The following DUSP13B variants were observed in gnomAD, a reference collection of about 807,000 sequenced individuals.
DUSP13B encodes the protein dual specificity phosphatase 13B.
At chr10:75,098,230 T>C in the DUSP13B span, among the ~76,000 whole-genome samples, 2 of 152,002 alleles carry the variant, frequency 1.3e-5, no homozygotes, top group African/African-American at 2.4e-5. Context: ...GCTTGGACTT[T>C]GTAGGGATGA....
At chr10:75,097,612 A>T in the DUSP13B span, 7 of 1,181,250 alleles carry the variant, frequency 5.9e-6, no homozygotes, top group Non-Finnish European at 7.9e-6. Flanking sequence ...CAAGCGTGCC[A>T]CCTCTGCCCT....
chr10:75,104,071 C>T, the DUSP13B span: 4 of 1,359,240 alleles, frequency 2.9e-6, no homozygotes, highest in Non-Finnish European at 2.9e-6. Context: ...AGTGGCAGAG[C>T]CCCATGGCAG....
the DUSP13B span, chr10:75,109,129 C>G: frequency 6.2e-7 from 1 of 1,606,476 alleles, no homozygotes; most frequent in East Asian, 2.3e-5. Flanking sequence ...GTCCTCTCCC[C>G]CCAGCTCTGG....
At chr10:75,104,247 A>G in the DUSP13B span, 1 of 432,598 alleles carries the variant, frequency 2.3e-6, no homozygotes, top group Admixed American at 3.5e-5. Context: ...CTGCTGGGAG[A>G]GATGAGGAGG....
At chr10:75,107,053 G>A in the DUSP13B span, among the ~76,000 whole-genome samples, 1 of 152,270 alleles carries the variant, frequency 6.6e-6, no homozygotes, top group African/African-American at 2.4e-5. Flanking sequence ...AGTACTTTGG[G>A]GGCCGGGTGC....
chr10:75,100,315 G>A, the DUSP13B span, among the ~76,000 whole-genome samples: 1 of 152,096 alleles, frequency 6.6e-6, no homozygotes, highest in African/African-American at 2.4e-5. Context: ...GCCTGGTCAG[G>A]CTCCACCTAA....
At chr10:75,103,936 C>T in the DUSP13B span, 1 of 1,319,144 alleles carries the variant, frequency 7.6e-7, no homozygotes, top group Admixed American at 2.2e-5. Context: ...GTGTAGGCGC[C>T]AGGAGGAGCC....
chr10:75,103,317 C>A, the DUSP13B span, among the ~76,000 whole-genome samples: 2 of 152,210 alleles, frequency 1.3e-5, no homozygotes, highest in Non-Finnish European at 2.9e-5. Context: ...CTAGAAGACT[C>A]AGGCTGAGGG....
the DUSP13B span, among the ~76,000 whole-genome samples, chr10:75,102,422 G>A: frequency 4.6e-5 from 7 of 151,732 alleles, no homozygotes; most frequent in South Asian, 2.1e-4. Context: ...CAGCCTGGGC[G>A]ACAGGGCGAG....
the DUSP13B span, among the ~76,000 whole-genome samples, chr10:75,097,113 G>C: frequency 6.6e-6 from 1 of 152,150 alleles, no homozygotes; most frequent in African/African-American, 2.4e-5. Flanking sequence ...TAATGAGAAG[G>C]ATTCAGTAGG....
chr10:75,105,875 A>C, the DUSP13B span: 150 of 1,545,334 alleles, frequency 9.7e-5, no homozygotes, highest in Non-Finnish European at 1.2e-4. Context: ...TTGGCTGAGG[A>C]AGACATCCTG....
At chr10:75,106,907 G>C in the DUSP13B span, among the ~76,000 whole-genome samples, 1 of 152,238 alleles carries the variant, frequency 6.6e-6, no homozygotes, top group African/African-American at 2.4e-5. Context: ...TCCAGAAAGG[G>C]ACACTGGCTT....
the DUSP13B span, among the ~76,000 whole-genome samples, chr10:75,106,468 A>T: frequency 6.6e-6 from 1 of 152,136 alleles, no homozygotes; most frequent in African/African-American, 2.4e-5. Flanking sequence ...TGGCTGAGAC[A>T]CGGCTTCCTC....
the DUSP13B span, among the ~76,000 whole-genome samples, chr10:75,095,285 C>T: frequency 6.6e-6 from 1 of 152,200 alleles, no homozygotes; most frequent in African/African-American, 2.4e-5. Flanking sequence ...GAGGAACCCG[C>T]TCAAGAGCTT....
chr10:75,108,978 C>A, the DUSP13B span: 1 of 1,571,676 alleles, frequency 6.4e-7, no homozygotes, highest in Non-Finnish European at 8.7e-7. Context: ...CACGTCCCCA[C>A]CCCCATGCCC....
At chr10:75,108,414 G>A in the DUSP13B span, 18 of 914,638 alleles carry the variant, frequency 2.0e-5, no homozygotes, top group African/African-American at 2.8e-4. Flanking sequence ...TGTGTGTGTC[G>A]GGGGATCTTT....
chr10:75,105,150 T>A, the DUSP13B span, among the ~76,000 whole-genome samples: 1 of 152,106 alleles, frequency 6.6e-6, no homozygotes, highest in African/African-American at 2.4e-5. Flanking sequence ...CTGATGAGAA[T>A]TAGCTAAGCC....
At chr10:75,108,271 G>A in the DUSP13B span, 1 of 1,528,852 alleles carries the variant, frequency 6.5e-7, no homozygotes, top group Non-Finnish European at 8.7e-7. Flanking sequence ...GGGAGGCTGT[G>A]CCTGGCCCCC....
At chr10:75,099,368 A>C in the DUSP13B span, 1 of 1,232,260 alleles carries the variant, frequency 8.1e-7, no homozygotes, top group Non-Finnish European at 1.0e-6. Context: ...AGTGAAGACC[A>C]AGCTGTCCTC....
Sources: allele counts gnomAD v4.1 joint callset (sites outside exome capture counted in the v4.1 genomes callset), GRCh38; gene constraint gnomAD v4.1.1; transcripts MANE v1.5; gene names NCBI Gene and HGNC (gene_info 2026-07-23, HGNC 2026-07-21).